The following JAKMIP1 variants were observed in gnomAD, a reference collection of about 807,000 sequenced individuals.
JAKMIP1 encodes janus kinase and microtubule interacting protein 1.
JAKMIP1 carries 33 observed loss-of-function variants against 113.0 expected under a neutral mutation model. The ratio of observed to expected loss-of-function variants is 0.29; its 90% CI spans 0.22 to 0.39. JAKMIP1 has a LOEUF of 0.39. Ranked by LOEUF, JAKMIP1 falls within the 10% of genes least tolerant of loss-of-function variation. The probability of loss-of-function intolerance (pLI) is 1.00; values close to 1 mark genes in which losing one functional copy is unlikely to be tolerated. For synonymous variants in JAKMIP1, 480 were observed against 459.9 expected, an observed-to-expected ratio of 1.04 and a Z score of -0.56; for missense variants, 813 against 1,080.5, an observed-to-expected ratio of 0.75 and a Z score of 3.47.
chr4:6,038,055 ATCCC>A (rs1713776606), intron 18 of JAKMIP1, among the ~76,000 whole-genome samples: 1 of 137,098 alleles, frequency 7.3e-6, no homozygotes, highest in Non-Finnish European at 1.5e-5. Flanking sequence ...GCTAACCAGT[ATCCC>A]TCCATCACCG....
At chr4:6,165,150 A>G (rs1723463259) in intron 1 of JAKMIP1, among the ~76,000 whole-genome samples, 1 of 152,186 alleles carries the variant, frequency 6.6e-6, no homozygotes, top group Non-Finnish European at 1.5e-5. Context: ...AGCCACAGCC[A>G]CCCCAACCTT....
chr4:6,184,786 T>C lies in JAKMIP1; in HGVS notation c.-148+15467A>G, dbSNP rs1157753181. On this transcript the variant is annotated intron_variant, in intron 1 of 20. Coordinates refer to ENST00000409021, the MANE Select transcript of JAKMIP1 (RefSeq NM_001099433.2). The surrounding 1 kb of genome is among the most constrained non-coding windows in gnomAD (Gnocchi z 4.5). ...CGATTGGACAGAAGGATAGAAAGTA[T>C]TGTTCCTGAGTGTGTCTGTGAGGAT... 6.6e-6 allele frequency among the ~76,000 whole-genome samples: 1 copy of C among 152,210 alleles called. No homozygotes were observed. The highest frequency in any genetic ancestry group is 1.5e-5 in the Non-Finnish European group (1 of 68,030).
intron 3 of JAKMIP1, among the ~76,000 whole-genome samples, chr4:6,091,015 T>G (rs1170579114): frequency 6.6e-6 from 1 of 152,248 alleles, no homozygotes; most frequent in Non-Finnish European, 1.5e-5. Flanking sequence ...TCCTAATGTG[T>G]AGACACAAGT....
In JAKMIP1 at chr4:6,162,034, C is replaced by T. The variant is rs934078669; in HGVS notation, c.-148+38219G>A. Among the ~76,000 whole-genome samples, 7 of 152,078 alleles carry T rather than the reference C, an allele frequency of 4.6e-5. No homozygotes were observed. The highest frequency in any genetic ancestry group is 7.3e-5 in the Non-Finnish European group (5 of 68,036). On this transcript the variant is annotated intron_variant, in intron 1 of 20. Coordinates refer to ENST00000409021, the MANE Select transcript of JAKMIP1 (RefSeq NM_001099433.2). The surrounding 1 kb of genome is among the most constrained non-coding windows in gnomAD (Gnocchi z 5.6). ...GTACATGGTGCCTCCTTGATGGAGC[C>T]GAGCAGGAAGGAAAGGGGTGGATTG...
chr4:6,103,251 T>G (rs1713385781), intron 3 of JAKMIP1, among the ~76,000 whole-genome samples: 1 of 152,212 alleles, frequency 6.6e-6, no homozygotes, highest in Admixed American at 6.5e-5. Context: ...TTTTTCTGCA[T>G]CTATTAAGAT....
At chr4:6,132,165 C>A (rs1282457507) in intron 1 of JAKMIP1, among the ~76,000 whole-genome samples, 1 of 152,056 alleles carries the variant, frequency 6.6e-6, no homozygotes, top group African/African-American at 2.4e-5. Context: ...ATGGGAGAGA[C>A]GAAACGGGAC....
chr4:6,032,007 C>T (rs1712742279), intron 19 of JAKMIP1, among the ~76,000 whole-genome samples: 1 of 152,148 alleles, frequency 6.6e-6, no homozygotes. Context: ...CTGGCAACCC[C>T]CTCACATGCA....
In JAKMIP1 at chr4:6,059,020, T is replaced by C. The variant is rs975510226; in HGVS notation, c.1644+1404A>G. Among the ~76,000 whole-genome samples the C allele has an allele frequency of 6.6e-6, 1 of 152,206 alleles. No individual in the cohort carries two copies. Among genetic ancestry groups the C allele is most frequent in the East Asian group, 1.9e-4 (1 of 5,198 alleles). Reference sequence around the variant, plus strand: ...ATTATTATTAGCCCCATTTTAAAGATGAGGAAACGGAGGCACAAAGAGATT... The same window carrying C: ...ATTATTATTAGCCCCATTTTAAAGACGAGGAAACGGAGGCACAAAGAGATT... On this transcript the variant is annotated intron_variant, in intron 11 of 20. Coordinates refer to ENST00000409021, the MANE Select transcript of JAKMIP1 (RefSeq NM_001099433.2). This position sits in a 1 kb window ranked among gnomAD's most constrained non-coding sequence, Gnocchi z 4.8.
intron 18 of JAKMIP1, among the ~76,000 whole-genome samples, chr4:6,039,349 C>T (rs546007092): frequency 7.2e-5 from 11 of 152,330 alleles, no homozygotes; most frequent in South Asian, 2.1e-4. Flanking sequence ...ACATTCCTCT[C>T]GGAGCCTCAA....
At chr4:6,066,563 C>A (rs1227248722) in intron 8 of JAKMIP1, among the ~76,000 whole-genome samples, 1 of 152,146 alleles carries the variant, frequency 6.6e-6, no homozygotes, top group Non-Finnish European at 1.5e-5. Context: ...ACCCCCAACA[C>A]CGCACCTCCC....
intron 11 of JAKMIP1, among the ~76,000 whole-genome samples, chr4:6,060,062 T>C (rs1355582244): frequency 6.6e-6 from 1 of 152,232 alleles, no homozygotes; most frequent in African/African-American, 2.4e-5. Flanking sequence ...TCATGGGTGC[T>C]GGTTCATTTT....
At chr4:6,124,349 A>G (rs1717122866) in intron 1 of JAKMIP1, among the ~76,000 whole-genome samples, 1 of 152,198 alleles carries the variant, frequency 6.6e-6, no homozygotes. Context: ...GCACCAGCAC[A>G]TTCAGGAGTA....
chr4:6,112,815 G>A lies in JAKMIP1; in HGVS notation c.36C>T (p.Pro12=), dbSNP rs1357608317. The A allele has an allele frequency of 1.2e-5, 19 of 1,614,022 alleles. No individual in the cohort carries two copies. The highest frequency in any genetic ancestry group is 2.2e-5 in the South Asian group (2 of 91,084). Residue 12 remains proline, a synonymous_variant, in exon 2 of 21, where the codon CCC becomes CCT. Coordinates refer to ENST00000409021, the MANE Select transcript of JAKMIP1 (RefSeq NM_001099433.2). ...SKKGRSKGEK[P]EMETDAVQMA... is the part of the protein sequence containing the mutation. Reference sequence around the variant, plus strand: ...TCTGCACCGCGTCCGTCTCCATCTCGGGCTTCTCGCCCTTGCTCCGGCCTT... The same window carrying A: ...TCTGCACCGCGTCCGTCTCCATCTCAGGCTTCTCGCCCTTGCTCCGGCCTT...
rs889027320 is a variant in JAKMIP1, at chr4:6,106,844, G to C, written c.130-877C>G. Among the ~76,000 whole-genome samples the C allele has an allele frequency of 6.6e-6, 1 of 152,094 alleles. No homozygotes were observed. The highest frequency in any genetic ancestry group is 2.4e-5 in the African/African-American group (1 of 41,412). ...AGCCCTTATTTCCTGAATTCTGCCC[G>C]TCTCTGAAGACCTGAAATGAATTGC... On this transcript the variant is annotated intron_variant, in intron 2 of 20. Coordinates refer to ENST00000409021, the MANE Select transcript of JAKMIP1 (RefSeq NM_001099433.2). This position sits in a 1 kb window ranked among gnomAD's most constrained non-coding sequence, Gnocchi z 5.9.
At chr4:6,029,289 G>C (rs1354474072) in intron 20 of JAKMIP1, among the ~76,000 whole-genome samples, 4 of 152,268 alleles carry the variant, frequency 2.6e-5, no homozygotes, top group African/African-American at 9.6e-5. Flanking sequence ...GGGAGAGGCT[G>C]CGTCTTCCAG....
At chr4:6,100,754 T>A (rs1346376147) in intron 3 of JAKMIP1, among the ~76,000 whole-genome samples, 5 of 152,328 alleles carry the variant, frequency 3.3e-5, no homozygotes, top group Non-Finnish European at 5.9e-5. Context: ...TGTTTTTTTT[T>A]AATAGTCATT....
rs544213245 is a variant in JAKMIP1, at chr4:6,198,625, C to A, written c.-148+1628G>T. Among the ~76,000 whole-genome samples, 3 of 152,286 alleles carry A rather than the reference C, an allele frequency of 2.0e-5. No individual in the cohort carries two copies. In the South Asian group the frequency reaches 6.2e-4, roughly 32 times the overall value. ...AGCAGAGATGTTCAGCATTACAGAC[C>A]GGTACACACCTCAACAGCAACAAAA... is the stretch of plus-strand genomic sequence containing the variant. On this transcript the variant is annotated intron_variant, in intron 1 of 20. Coordinates refer to ENST00000409021, the MANE Select transcript of JAKMIP1 (RefSeq NM_001099433.2).
At chr4:6,113,218 T>TA (rs1715241135) in intron 1 of JAKMIP1, among the ~76,000 whole-genome samples, 1 of 152,324 alleles carries the variant, frequency 6.6e-6, no homozygotes, top group African/African-American at 2.4e-5. Flanking sequence ...TTTGCATTTC[T>TA]AACATGCTCC....
At position 6,175,276 on chromosome 4, in the gene JAKMIP1, A is replaced by G. The variant is rs184037247; in HGVS notation, c.-148+24977T>C. 1.6e-3 allele frequency among the ~76,000 whole-genome samples: 238 copies of G among 152,344 alleles called. 2 individuals are homozygous for G. The highest frequency in any genetic ancestry group is 5.0e-3 in the African/African-American group (206 of 41,574). ...AACTCCCATGTGATAGAACCGGGAC[A>G]CAAGTAAGTGAGCTCCAAATGGGGT... On this transcript the variant is annotated intron_variant, in intron 1 of 20. Transcript: ENST00000409021.
Sources: gnomAD v4.1 joint callset for allele counts (sites outside exome capture counted in the v4.1 genomes callset) on GRCh38, gnomAD v4.1.1 for gene constraint, Gnocchi (gnomAD v3.1) non-coding constraint, MANE v1.5 for transcripts, NCBI Gene and HGNC (gene_info 2026-07-23, HGNC 2026-07-21) for gene names.